Variants in WHRN observed in about 807,000 individuals in gnomAD.
The protein encoded by WHRN is whirlin, also known as CASK-interacting protein CIP98.
WHRN carries 41 observed loss-of-function variants against 68.3 expected under a neutral mutation model. The observed-to-expected ratio is 0.60, with a 90% confidence interval of 0.47 to 0.78. The LOEUF is 0.78. Ranked by LOEUF, WHRN falls within the 30% of genes least tolerant of loss-of-function variation. The pLI is 0.00. For synonymous variants in WHRN, 560 were observed against 561.3 expected (o/e 1.00, Z 0.03); for missense variants, 1,243 against 1,244.7 (o/e 1.00, Z 0.02).
intron 3 of WHRN, among the ~76,000 whole-genome samples, chr9:114,443,898 G>A (rs1035433412): frequency 1.3e-5 from 2 of 152,042 alleles, no homozygotes; most frequent in African/African-American, 4.8e-5. Flanking sequence ...AAATCATGGA[G>A]GAAGGTGAAA....
intron 3 of WHRN, among the ~76,000 whole-genome samples, chr9:114,458,630 G>A (rs1839998276): frequency 1.3e-5 from 2 of 152,182 alleles, no homozygotes; most frequent in South Asian, 4.1e-4. Context: ...AGGGCCCAGT[G>A]AGTCTTTCCT....
intron 3 of WHRN, among the ~76,000 whole-genome samples, chr9:114,427,721 T>C (rs914044793): frequency 1.3e-5 from 2 of 152,200 alleles, no homozygotes; most frequent in African/African-American, 2.4e-5. Context: ...GTTGGGAGTT[T>C]CCAGTATAGA....
chr9:114,504,026 C>T (rs1026714693), intron 1 of WHRN, among the ~76,000 whole-genome samples, 158 bp downstream of exon 1: 1 of 150,452 alleles, frequency 6.6e-6, no homozygotes, highest in African/African-American at 2.5e-5. Flanking sequence ...GCTATTTGCT[C>T]TGTAAGCTAT....
chr9:114,467,022 C>A (rs1276730766), intron 2 of WHRN, among the ~76,000 whole-genome samples: 1 of 151,254 alleles, frequency 6.6e-6, no homozygotes, highest in Non-Finnish European at 1.5e-5. Context: ...TCTCCTGTCA[C>A]CTCAGGGGTA....
intron 1 of WHRN, among the ~76,000 whole-genome samples, chr9:114,499,682 G>A (rs1051480098): frequency 3.9e-5 from 6 of 152,242 alleles, no homozygotes; most frequent in African/African-American, 9.6e-5. Flanking sequence ...GCACATGAGC[G>A]AGGGGCTGCA....
In WHRN at chr9:114,402,756, A is replaced by G. The variant is rs727505255; in HGVS notation, c.2722T>C (p.Ter908GlnextTer76). Residue 908 changes from the stop codon to glutamine, a stop_lost, in exon 12 of 12, where the codon TAG becomes CAG. Coordinates refer to ENST00000362057, the MANE Select transcript of WHRN (RefSeq NM_015404.4). ...GGGAGGCCCTCAGGCCTTGGCCTCT[A>G]GAGCATCACATTGAACTCAGTGACC... ...FLVTEFNVML* is the reference protein window; with the variant it reads ...FLVTEFNVMLQ The G allele has an allele frequency of 6.2e-7, 1 of 1,613,908 alleles. No homozygotes were observed. The highest frequency in any genetic ancestry group is 8.5e-7 in the Non-Finnish European group (1 of 1,180,034).
chr9:114,471,577 G>A (rs1301711843), intron 2 of WHRN, among the ~76,000 whole-genome samples: 1 of 152,188 alleles, frequency 6.6e-6, no homozygotes, highest in Non-Finnish European at 1.5e-5. Context: ...AAAAAGAATT[G>A]TGCAACCTGC....
intron 5 of WHRN, 27 bp downstream of exon 5, chr9:114,424,961 G>A: frequency 6.2e-7 from 1 of 1,612,820 alleles, no homozygotes; most frequent in Non-Finnish European, 8.5e-7. Context: ...TGAGGAAGCA[G>A]AGAATACCCC....
intron 3 of WHRN, among the ~76,000 whole-genome samples, chr9:114,458,730 A>C (rs995461353): frequency 6.6e-6 from 1 of 152,156 alleles, no homozygotes; most frequent in African/African-American, 2.4e-5. Flanking sequence ...CTGTGTCTGC[A>C]TCATGCTCTG....
rs79072564 is a variant in WHRN, at chr9:114,481,194, G to A, written c.619-2423C>T. Among the ~76,000 whole-genome samples, 184 of 152,298 alleles carry A rather than the reference G, an allele frequency of 1.2e-3. 1 individual carries two copies. Among genetic ancestry groups the A allele is most frequent in the Non-Finnish European group, 2.1e-3 (143 of 68,026 alleles). On this transcript the variant is annotated intron_variant, in intron 1 of 11. Transcript: ENST00000362057. ...GGAGCCCTGGCTAGGCAAGGCCTGC[G>A]GGAAGAGGCAAGTCCCTGACATTTG...
chr9:114,464,939 T>C (rs1363194421), intron 3 of WHRN, among the ~76,000 whole-genome samples: 1 of 152,052 alleles, frequency 6.6e-6, no homozygotes, highest in Non-Finnish European at 1.5e-5. Context: ...AACAGAAATT[T>C]ATGTCTCACA....
intron 5 of WHRN, 109 bp downstream of exon 5, chr9:114,424,879 C>G (rs1051973666): frequency 5.7e-6 from 7 of 1,237,492 alleles, no homozygotes; most frequent in South Asian, 1.3e-5. Context: ...TAAGGGGCTG[C>G]CCAGTTGGAA....
chr9:114,485,504 A>C (rs1487758023), intron 1 of WHRN, among the ~76,000 whole-genome samples: 1 of 152,092 alleles, frequency 6.6e-6, no homozygotes, highest in Non-Finnish European at 1.5e-5. Flanking sequence ...CAGCCTGGCC[A>C]ACATGGTGAA....
At chr9:114,431,494 C>T (rs1018060208) in intron 3 of WHRN, among the ~76,000 whole-genome samples, 15 of 152,254 alleles carry the variant, frequency 9.9e-5, no homozygotes, top group African/African-American at 3.6e-4. Context: ...GCCACCTTCA[C>T]CCCAGCACAG....
At chr9:114,413,686 C>G (rs1835617199) in intron 7 of WHRN, among the ~76,000 whole-genome samples, 1 of 152,204 alleles carries the variant, frequency 6.6e-6, no homozygotes, top group Non-Finnish European at 1.5e-5. Context: ...GCTGGTGTGG[C>G]TGAGATCACA....
intron 3 of WHRN, among the ~76,000 whole-genome samples, chr9:114,452,843 C>A (rs1240483557): frequency 6.6e-6 from 1 of 152,182 alleles, no homozygotes; most frequent in African/African-American, 2.4e-5. Context: ...CATGGGGATG[C>A]TGAGGGCCAG....
In WHRN at chr9:114,408,036, A is replaced by T. The variant is rs780408645; in HGVS notation, c.1627-18T>A. ...AGAGTGTTCTAGAAATGGACGAGAA[A>T]GCAAAGTGAGCAAACAGAAGCTGAG... is the stretch of plus-strand genomic sequence containing the variant. On this transcript the variant is annotated intron_variant, in intron 7 of 11. Transcript: ENST00000362057. 1 of 1,577,248 alleles carries T rather than the reference A, an allele frequency of 6.3e-7. No homozygotes were observed. Among genetic ancestry groups the T allele is most frequent in the South Asian group, 1.2e-5 (1 of 86,896 alleles).
intron 3 of WHRN, among the ~76,000 whole-genome samples, chr9:114,456,681 T>A (rs1839828622): frequency 6.6e-6 from 1 of 151,780 alleles, no homozygotes; most frequent in Non-Finnish European, 1.5e-5. Flanking sequence ...TAGAAAAAAA[T>A]TAGCTAGGTG....
intron 3 of WHRN, among the ~76,000 whole-genome samples, chr9:114,448,000 G>A (rs772172327): frequency 5.9e-5 from 9 of 152,090 alleles, no homozygotes; most frequent in African/African-American, 9.7e-5. Context: ...GCAATATTTC[G>A]AGTTTCATGT....
Sources: gnomAD v4.1 joint callset for allele counts (sites outside exome capture counted in the v4.1 genomes callset) on GRCh38, gnomAD v4.1.1 for gene constraint, MANE v1.5 for transcripts, NCBI Gene and HGNC (gene_info 2026-07-23, HGNC 2026-07-21) for gene names.